TENM3: variants seen among roughly 807,000 people sequenced by gnomAD.
TENM3 encodes the protein teneurin transmembrane protein 3.
A neutral mutation model predicts 255.1 loss-of-function variants in TENM3; 63 were observed. That is an observed-to-expected ratio of 0.25 (90% CI 0.20 to 0.30). The LOEUF is 0.30. TENM3 is among the 10% of genes least tolerant of loss of function. The probability of loss-of-function intolerance (pLI) is 1.00; values close to 1 mark genes in which losing one functional copy is unlikely to be tolerated. For missense variants in TENM3, 2,929 were observed against 3,461.1 expected (o/e 0.85, Z 3.86); for synonymous variants, 1,306 against 1,322.3 (o/e 0.99, Z 0.27).
chr4:182,084,287 C>T, the TENM3 span, among the ~76,000 whole-genome samples: 1 of 152,132 alleles, frequency 6.6e-6, no homozygotes, highest in Admixed American at 6.5e-5. Flanking sequence ...TTCACGGTAG[C>T]TTTGAGTGCT....
intron 2 of TENM3, among the ~76,000 whole-genome samples, chr4:182,327,865 T>A (rs1225409012): frequency 6.6e-6 from 1 of 152,222 alleles, no homozygotes; most frequent in Non-Finnish European, 1.5e-5. Context: ...CATAGGATCA[T>A]CCCACAGCTT....
chr4:181,881,419 A>C, the TENM3 span, among the ~76,000 whole-genome samples: 225 of 152,180 alleles, frequency 1.5e-3, 2 homozygotes, highest in African/African-American at 5.2e-3. Flanking sequence ...GACAAAATGA[A>C]CATGAATATA....
At chr4:182,481,416 T>C (rs1734189559) in intron 3 of TENM3, among the ~76,000 whole-genome samples, 1 of 152,216 alleles carries the variant, frequency 6.6e-6, no homozygotes, top group African/African-American at 2.4e-5. Context: ...CAATCTTTTG[T>C]GCTTAAAGAT....
chr4:182,678,504 C>T (rs1357421903), intron 7 of TENM3, among the ~76,000 whole-genome samples: 1 of 152,164 alleles, frequency 6.6e-6, no homozygotes, highest in Non-Finnish European at 1.5e-5. Flanking sequence ...CTCCATGGTG[C>T]TTGAGATGGT....
At chr4:182,787,735 C>CA (rs33998093) in intron 24 of TENM3, among the ~76,000 whole-genome samples, 7,710 of 41,434 alleles carry the variant, frequency 0.19, 1,221 homozygotes, top group East Asian at 0.48. Context: ...AACTCCACCT[C>CA]AAAAAAAAAA....
At chr4:181,638,872 A>G in the TENM3 span, among the ~76,000 whole-genome samples, 5 of 152,222 alleles carry the variant, frequency 3.3e-5, no homozygotes, top group Non-Finnish European at 7.3e-5. Flanking sequence ...CTAAATTAAC[A>G]CATCCGTGTA....
At chr4:181,522,076 G>C in the TENM3 span, among the ~76,000 whole-genome samples, 2 of 127,902 alleles carry the variant, frequency 1.6e-5, no homozygotes, top group East Asian at 2.4e-4. Context: ...ACTCCAGCCT[G>C]GGCAACAGAG....
At chr4:182,706,430 C>T (rs1409285292) in intron 12 of TENM3, among the ~76,000 whole-genome samples, 1 of 152,082 alleles carries the variant, frequency 6.6e-6, no homozygotes, top group Non-Finnish European at 1.5e-5. Flanking sequence ...ATTGCGAATA[C>T]CACTGTCCAT....
chr4:181,487,665 G>A, the TENM3 span, among the ~76,000 whole-genome samples: 2 of 152,124 alleles, frequency 1.3e-5, no homozygotes, highest in African/African-American at 4.8e-5. Flanking sequence ...TGAATTTGAG[G>A]AGAGACACAA....
At chr4:181,816,980 G>A in the TENM3 span, among the ~76,000 whole-genome samples, 1 of 152,024 alleles carries the variant, frequency 6.6e-6, no homozygotes, top group Non-Finnish European at 1.5e-5. Context: ...AGTAAACTGG[G>A]GCTGCAAAAG....
chr4:181,493,296 TAAAA>T, the TENM3 span, among the ~76,000 whole-genome samples: 1 of 124,350 alleles, frequency 8.0e-6, no homozygotes. Context: ...AACCAGTCTC[TAAAA>T]AAAAAAAAAA....
chr4:181,615,681 T>G, the TENM3 span, among the ~76,000 whole-genome samples: 1 of 152,146 alleles, frequency 6.6e-6, no homozygotes, highest in Non-Finnish European at 1.5e-5. Context: ...TAGAGAGAAT[T>G]TTTCCATGAG....
chr4:181,818,351 G>A, the TENM3 span, among the ~76,000 whole-genome samples: 31 of 152,092 alleles, frequency 2.0e-4, no homozygotes, highest in African/African-American at 7.2e-4. Context: ...ACAGAATTGA[G>A]GCTTCCCTGG....
chr4:181,546,540 C>T, the TENM3 span, among the ~76,000 whole-genome samples: 1 of 145,442 alleles, frequency 6.9e-6, no homozygotes, highest in Non-Finnish European at 1.5e-5. Context: ...ACGGTGAAAC[C>T]CCGTCTCTAC....
At chr4:182,455,762 A>G (rs1038002466) in intron 3 of TENM3, among the ~76,000 whole-genome samples, 1 of 151,690 alleles carries the variant, frequency 6.6e-6, no homozygotes, top group Non-Finnish European at 1.5e-5. Context: ...GGGTCTCACC[A>G]TGTTGGCCAG....
At chr4:182,701,589 G>A (rs1757882395) in intron 12 of TENM3, among the ~76,000 whole-genome samples, 1 of 151,986 alleles carries the variant, frequency 6.6e-6, no homozygotes, top group Non-Finnish European at 1.5e-5. Flanking sequence ...GCAATACATT[G>A]GTATAGATAA....
chr4:182,471,455 C>T (rs1733112996), intron 3 of TENM3, among the ~76,000 whole-genome samples: 1 of 152,172 alleles, frequency 6.6e-6, no homozygotes, highest in African/African-American at 2.4e-5. Flanking sequence ...TCCTAGGCTG[C>T]AAACCTGTAC....
the TENM3 span, among the ~76,000 whole-genome samples, chr4:182,001,961 T>A: frequency 1.3e-5 from 2 of 152,184 alleles, no homozygotes; most frequent in African/African-American, 4.8e-5. Flanking sequence ...ATGAAGTTTA[T>A]AATACTATAA....
At chr4:182,160,435 C>A (rs558993007) in intron 1 of TENM3, among the ~76,000 whole-genome samples, 1 of 152,128 alleles carries the variant, frequency 6.6e-6, no homozygotes, top group East Asian at 1.9e-4. Flanking sequence ...ATGTTGTGCC[C>A]AAATTTTACA....
Sources: gnomAD v4.1 joint callset for allele counts (sites outside exome capture counted in the v4.1 genomes callset) on GRCh38, gnomAD v4.1.1 for gene constraint, MANE v1.5 for transcripts, NCBI Gene and HGNC (gene_info 2026-07-23, HGNC 2026-07-21) for gene names.